The following PM20D2 variants were observed in gnomAD, a reference collection of about 807,000 sequenced individuals.
The protein encoded by PM20D2 is peptidase M20 domain containing 2, also known as xaa-Arg dipeptidase.
PM20D2 carries 33 observed loss-of-function variants against 42.9 expected under a neutral mutation model. The observed-to-expected ratio is 0.77, with a 90% CI of 0.58 to 1.03. The LOEUF is 1.03. PM20D2 is among the 50% of genes least tolerant of loss of function. The pLI is 0.00. For synonymous variants in PM20D2, 250 were observed against 228.2 expected, an observed-to-expected ratio of 1.10 and a Z score of -0.86; for missense variants, 548 against 557.0, an observed-to-expected ratio of 0.98 and a Z score of 0.16.
chr6:89,122,907 T>C, the PM20D2 span, among the ~76,000 whole-genome samples: 1 of 152,232 alleles, frequency 6.6e-6, no homozygotes, highest in African/African-American at 2.4e-5. Flanking sequence ...TTCTATTACC[T>C]ATGTACTTTG....
At chr6:89,136,632 C>T in the PM20D2 span, among the ~76,000 whole-genome samples, 2 of 150,916 alleles carry the variant, frequency 1.3e-5, no homozygotes, top group East Asian at 1.9e-4. Context: ...GAGCTAAGAT[C>T]GCGCCACTGC....
chr6:89,124,396 G>A, the PM20D2 span, among the ~76,000 whole-genome samples: 686 of 152,236 alleles, frequency 4.5e-3, 5 homozygotes, highest in African/African-American at 0.016. Context: ...TTTGAGAGAC[G>A]TTCTTGCTAG....
At chr6:89,105,096 A>C in the PM20D2 span, 1 of 1,551,694 alleles carries the variant, frequency 6.4e-7, no homozygotes, top group Non-Finnish European at 8.7e-7. Context: ...AGAAAATGAA[A>C]TTTTCAGTCC....
the PM20D2 span, among the ~76,000 whole-genome samples, chr6:89,139,685 G>C: frequency 5.9e-5 from 9 of 152,216 alleles, no homozygotes; most frequent in Admixed American, 5.9e-4. Flanking sequence ...TCTGGCCCGC[G>C]TGGCAGAGCA....
At chr6:89,107,947 A>G in the PM20D2 span, among the ~76,000 whole-genome samples, 20 of 152,204 alleles carry the variant, frequency 1.3e-4, no homozygotes, top group Non-Finnish European at 1.5e-5. Context: ...TTTCACTAAG[A>G]ACACATTCAT....
At chr6:89,147,730 T>TAAA (rs556108073) in intron 1 of PM20D2, among the ~76,000 whole-genome samples, 6 of 144,254 alleles carry the variant, frequency 4.2e-5, no homozygotes, top group South Asian at 2.2e-4. Context: ...TAAAATATAT[T>TAAA]AAAAAAAAAA....
the PM20D2 span, among the ~76,000 whole-genome samples, chr6:89,099,536 A>AT: frequency 1.1e-5 from 1 of 90,898 alleles, no homozygotes; most frequent in Non-Finnish European, 2.1e-5. Context: ...ACACACATAC[A>AT]TGTTTTTTTT....
chr6:89,094,221 CTTTA>C, the PM20D2 span, among the ~76,000 whole-genome samples: 5 of 150,034 alleles, frequency 3.3e-5, no homozygotes, highest in African/African-American at 9.8e-5. Context: ...GCACCGGCCT[CTTTA>C]TTTTTTTTTA....
chr6:89,127,716 A>C, the PM20D2 span, among the ~76,000 whole-genome samples: 2 of 152,194 alleles, frequency 1.3e-5, no homozygotes, highest in East Asian at 3.8e-4. Context: ...CTATATCTGC[A>C]CTGTCCAATA....
chr6:89,102,481 A>C, the PM20D2 span, among the ~76,000 whole-genome samples: 1 of 152,130 alleles, frequency 6.6e-6, no homozygotes, highest in African/African-American at 2.4e-5. Context: ...TTGATGTAGA[A>C]TATATTCTGG....
chr6:89,118,859 A>C, the PM20D2 span, among the ~76,000 whole-genome samples: 1 of 152,238 alleles, frequency 6.6e-6, no homozygotes, highest in Admixed American at 6.5e-5. Context: ...ATGCAGGGAC[A>C]GTTAAGCAAA....
the PM20D2 span, among the ~76,000 whole-genome samples, chr6:89,120,246 T>C: frequency 6.6e-6 from 1 of 152,208 alleles, no homozygotes; most frequent in Non-Finnish European, 1.5e-5. Context: ...ATCAGCCATC[T>C]ATCCTATCCA....
chr6:89,102,678 G>T, the PM20D2 span, among the ~76,000 whole-genome samples: 2 of 152,130 alleles, frequency 1.3e-5, no homozygotes, highest in African/African-American at 4.8e-5. Flanking sequence ...AACATTTAGA[G>T]TTCTAACATA....
the PM20D2 span, among the ~76,000 whole-genome samples, chr6:89,111,109 C>CTTTTTTT: frequency 8.3e-6 from 1 of 120,744 alleles, no homozygotes; most frequent in Non-Finnish European, 1.6e-5. Flanking sequence ...TGAGACTTGT[C>CTTTTTTT]TTTTTTTTTT....
At chr6:89,116,210 C>T in the PM20D2 span, among the ~76,000 whole-genome samples, 7 of 152,164 alleles carry the variant, frequency 4.6e-5, no homozygotes, top group South Asian at 2.1e-4. Context: ...TATATTACCC[C>T]GGCTGGCCCC....
chr6:89,115,561 C>A, the PM20D2 span, among the ~76,000 whole-genome samples: 16 of 152,064 alleles, frequency 1.1e-4, no homozygotes, highest in South Asian at 6.2e-4. Flanking sequence ...GGATTACAGG[C>A]GTGAGCCACC....
chr6:89,094,666 G>A, the PM20D2 span, among the ~76,000 whole-genome samples: 35 of 152,014 alleles, frequency 2.3e-4, 1 homozygote, highest in South Asian at 6.9e-3. Context: ...TAAATGCTAA[G>A]GTGCATAATC....
chr6:89,151,317 G>A (rs77017190), intron 2 of PM20D2, among the ~76,000 whole-genome samples: 14,130 of 148,582 alleles, frequency 0.095, 1,584 homozygotes, highest in African/African-American at 0.27. Context: ...TGCAGCTTCC[G>A]CCTCTGGGTT....
chr6:89,157,280 A>AC (rs1771081491), intron 4 of PM20D2, among the ~76,000 whole-genome samples: 1 of 152,114 alleles, frequency 6.6e-6, no homozygotes, highest in Admixed American at 6.6e-5. Flanking sequence ...ATTTTGGCTG[A>AC]CTTGTAAGGT....
Sources: allele counts gnomAD v4.1 joint callset (sites outside exome capture counted in the v4.1 genomes callset), GRCh38; gene constraint gnomAD v4.1.1; transcripts MANE v1.5; gene names NCBI Gene and HGNC (gene_info 2026-07-23, HGNC 2026-07-21).